Variants in GALNT13 observed in about 807,000 individuals in gnomAD.
The protein encoded by GALNT13 is UDP-GalNAc:polypeptide N-acetylgalactosaminyltransferase 13.
GALNT13 carries 28 observed loss-of-function variants against 64.2 expected under a neutral mutation model. That is an observed-to-expected ratio of 0.44 (90% CI 0.32 to 0.60). The LOEUF is 0.60. Among genes scored for constraint, GALNT13 ranks in the 20% least tolerant of loss-of-function variants. The pLI, the probability that GALNT13 is intolerant of heterozygous loss-of-function variation, is 0.05. For synonymous variants in GALNT13, 214 were observed against 224.6 expected (o/e 0.95, Z 0.42); for missense variants, 577 against 669.8 (o/e 0.86, Z 1.53).
chr2:153,077,875 C>T, the GALNT13 span, among the ~76,000 whole-genome samples: 2 of 152,158 alleles, frequency 1.3e-5, no homozygotes, highest in African/African-American at 4.8e-5. Flanking sequence ...GTTTGGTTTA[C>T]ATTTTAATTT....
intron 9 of GALNT13, among the ~76,000 whole-genome samples, chr2:154,363,950 A>G (rs1697220296): frequency 6.6e-6 from 1 of 152,344 alleles, no homozygotes; most frequent in Middle Eastern, 3.4e-3. Flanking sequence ...AGTCTTCAAC[A>G]TATATCTTTC....
At chr2:153,847,190 T>C in the GALNT13 span, among the ~76,000 whole-genome samples, 1 of 152,008 alleles carries the variant, frequency 6.6e-6, no homozygotes, top group Non-Finnish European at 1.5e-5. Flanking sequence ...TATCAGGATA[T>C]ATTATATAAA....
At chr2:153,949,524 A>AT (rs1692015129) in intron 3 of GALNT13, among the ~76,000 whole-genome samples, 1 of 151,860 alleles carries the variant, frequency 6.6e-6, no homozygotes, top group African/African-American at 2.4e-5. Flanking sequence ...AAGAAAAAAA[A>AT]AAACCTTCAC....
chr2:153,714,712 G>A, the GALNT13 span, among the ~76,000 whole-genome samples: 1 of 152,170 alleles, frequency 6.6e-6, no homozygotes. Context: ...ATGAAGCAAG[G>A]CAAAATGGAA....
the GALNT13 span, among the ~76,000 whole-genome samples, chr2:153,430,544 G>C: frequency 1.3e-4 from 19 of 150,782 alleles, no homozygotes; most frequent in East Asian, 3.7e-3. Context: ...GAGAGAGAGA[G>C]AGAGAGAGAG....
the GALNT13 span, among the ~76,000 whole-genome samples, chr2:153,218,984 C>T: frequency 6.6e-6 from 1 of 152,176 alleles, no homozygotes; most frequent in Non-Finnish European, 1.5e-5. Flanking sequence ...TGTTTCACAA[C>T]TAACTACATT....
chr2:154,298,817 TTTATATATACA>T (rs1693235101), intron 8 of GALNT13, among the ~76,000 whole-genome samples: 2 of 3,002 alleles, frequency 6.7e-4, no homozygotes, highest in South Asian at 0.019. Context: ...TTATATATTA[TTTATATATACA>T]TTATATATAA....
intron 3 of GALNT13, among the ~76,000 whole-genome samples, chr2:154,048,503 G>C (rs1368736154): frequency 1.3e-5 from 2 of 152,060 alleles, no homozygotes; most frequent in Non-Finnish European, 2.9e-5. Context: ...GATAGTCTTG[G>C]GATTTTGTAA....
the GALNT13 span, among the ~76,000 whole-genome samples, chr2:153,098,697 C>T: frequency 1.3e-4 from 19 of 151,912 alleles, no homozygotes; most frequent in African/African-American, 2.2e-4. Context: ...GTATTGTTGA[C>T]GAATATTTAG....
the GALNT13 span, among the ~76,000 whole-genome samples, chr2:153,395,220 C>A: frequency 6.6e-6 from 1 of 152,156 alleles, no homozygotes; most frequent in African/African-American, 2.4e-5. Flanking sequence ...AAGAGAGCAA[C>A]TATTCCATCA....
At chr2:154,188,343 G>A (rs190953670) in intron 4 of GALNT13, among the ~76,000 whole-genome samples, 40 of 152,188 alleles carry the variant, frequency 2.6e-4, no homozygotes, top group African/African-American at 9.6e-4. Context: ...GGAAGGGATG[G>A]ATACTAGGCA....
the GALNT13 span, among the ~76,000 whole-genome samples, chr2:153,832,798 T>A: frequency 6.6e-6 from 1 of 152,192 alleles, no homozygotes; most frequent in African/African-American, 2.4e-5. Context: ...GTAAATATTT[T>A]AGGCTCTAAA....
the GALNT13 span, among the ~76,000 whole-genome samples, chr2:153,659,311 C>T: frequency 6.6e-6 from 1 of 152,022 alleles, no homozygotes; most frequent in African/African-American, 2.4e-5. Context: ...ATATCCCCCC[C>T]ATCCCTTGAG....
the GALNT13 span, among the ~76,000 whole-genome samples, chr2:153,679,597 T>G: frequency 6.6e-6 from 1 of 151,932 alleles, no homozygotes; most frequent in Non-Finnish European, 1.5e-5. Flanking sequence ...TCTGTGGATG[T>G]CTTCACCTTA....
At chr2:154,295,442 C>T (rs1692869398) in intron 8 of GALNT13, among the ~76,000 whole-genome samples, 1 of 151,812 alleles carries the variant, frequency 6.6e-6, no homozygotes, top group African/African-American at 2.4e-5. Context: ...TGGCTCAATG[C>T]AACCTCTGCC....
At chr2:153,106,155 G>A in the GALNT13 span, among the ~76,000 whole-genome samples, 1 of 152,226 alleles carries the variant, frequency 6.6e-6, no homozygotes, top group East Asian at 1.9e-4. Context: ...TTTGACAGTT[G>A]AGCTCTGTGA....
the GALNT13 span, among the ~76,000 whole-genome samples, chr2:153,781,563 G>T: frequency 1.3e-5 from 2 of 151,914 alleles, no homozygotes; most frequent in Non-Finnish European, 2.9e-5. Flanking sequence ...CCTCTCCATG[G>T]CAACGAAAAC....
chr2:153,808,869 G>A, the GALNT13 span, among the ~76,000 whole-genome samples: 2 of 152,082 alleles, frequency 1.3e-5, no homozygotes, highest in Non-Finnish European at 2.9e-5. Flanking sequence ...TGTTCAAAAT[G>A]TGCCTGGCAA....
intron 3 of GALNT13, among the ~76,000 whole-genome samples, chr2:153,980,077 G>T (rs1478571509): frequency 6.6e-6 from 1 of 152,134 alleles, no homozygotes; most frequent in African/African-American, 2.4e-5. Flanking sequence ...CATGTAAATG[G>T]ATAATATGAT....
Sources: allele counts gnomAD v4.1 joint callset (sites outside exome capture counted in the v4.1 genomes callset), GRCh38; gene constraint gnomAD v4.1.1; transcripts MANE v1.5; gene names NCBI Gene and HGNC (gene_info 2026-07-23, HGNC 2026-07-21).